Variants in ADGRB3 observed in about 807,000 individuals in gnomAD.
ADGRB3 encodes adhesion G protein-coupled receptor B3, also known as brain-specific angiogenesis inhibitor 3.
A neutral mutation model predicts 193.4 loss-of-function variants in ADGRB3; 37 were observed. The ratio of observed to expected loss-of-function variants is 0.19; its 90% CI spans 0.15 to 0.25. The LOEUF (loss-of-function observed/expected upper bound fraction) is 0.25, where lower values mean the gene tolerates loss of function less well. Among genes scored for constraint, ADGRB3 ranks in the 10% least tolerant of loss-of-function variants. The pLI is 1.00. For missense variants in ADGRB3, 1,637 were observed against 1,852.9 expected, an observed-to-expected ratio of 0.88 and a Z score of 2.14; for synonymous variants, 690 against 644.2, an observed-to-expected ratio of 1.07 and a Z score of -1.08.
Position 69,018,410 on chromosome 6 carries a change from A to G in ADGRB3, c.2018A>G (p.Glu673Gly). 6.2e-7 allele frequency: 1 copy of G among 1,604,330 alleles called. No homozygotes were observed. The highest frequency in any genetic ancestry group is 1.1e-5 in the South Asian group (1 of 90,378). ...DAQQIYPGSIELMQVIEDFIH... is the reference protein window; with the variant it reads ...DAQQIYPGSIGLMQVIEDFIH... ...TTCTAGATTTATCCAGGGTCAATAG[A>G]GTTAATGCAGGTGATTGAAGATTTT... is the stretch of plus-strand genomic sequence containing the variant. Residue 673 changes from glutamate to glycine, a missense_variant, in exon 13 of 32, where the codon GAG (glutamate) becomes GGG (glycine). This residue lies in a region of ADGRB3 where 641 missense variants were observed against 673.9 expected (regional missense o/e 0.95). Transcript: ENST00000370598.
At chr6:68,720,318 A>G (rs1765554804) in intron 3 of ADGRB3, among the ~76,000 whole-genome samples, 3 of 151,774 alleles carry the variant, frequency 2.0e-5, no homozygotes, top group Admixed American at 2.0e-4. Flanking sequence ...TATGCCTGGT[A>G]TAAATCCATG....
intron 3 of ADGRB3, among the ~76,000 whole-genome samples, chr6:68,770,007 GA>G (rs1766585121): frequency 6.6e-6 from 1 of 152,004 alleles, no homozygotes; most frequent in African/African-American, 2.4e-5. Flanking sequence ...CCAATATTTT[GA>G]ATTACTCTGG....
chr6:69,254,032 A>C (rs1349310152), intron 20 of ADGRB3, among the ~76,000 whole-genome samples: 1 of 152,138 alleles, frequency 6.6e-6, no homozygotes, highest in African/African-American at 2.4e-5. Flanking sequence ...TTTTACATGG[A>C]AGCAAAATAT....
At chr6:69,346,259 A>T (rs1294665180) in intron 26 of ADGRB3, among the ~76,000 whole-genome samples, 1 of 152,222 alleles carries the variant, frequency 6.6e-6, no homozygotes, top group Non-Finnish European at 1.5e-5. Flanking sequence ...CATGGAACCA[A>T]AAAAGAGCCT....
At chr6:69,340,531 C>T (rs1768952221) in intron 26 of ADGRB3, among the ~76,000 whole-genome samples, 1 of 152,102 alleles carries the variant, frequency 6.6e-6, no homozygotes, top group African/African-American at 2.4e-5. Context: ...AGTATAAACC[C>T]TATAGTTTTG....
At chr6:68,858,630 T>G (rs570886567) in intron 3 of ADGRB3, among the ~76,000 whole-genome samples, 5 of 150,658 alleles carry the variant, frequency 3.3e-5, no homozygotes, top group African/African-American at 1.2e-4. Flanking sequence ...AAATACAATT[T>G]TACAGTATTC....
At chr6:68,900,359 A>C (rs1036950710) in intron 3 of ADGRB3, among the ~76,000 whole-genome samples, 1 of 152,178 alleles carries the variant, frequency 6.6e-6, no homozygotes, top group African/African-American at 2.4e-5. Flanking sequence ...TTCAAAGGCT[A>C]TAAGTAAATA....
intron 3 of ADGRB3, among the ~76,000 whole-genome samples, chr6:68,746,860 C>T (rs908986060): frequency 7.2e-5 from 11 of 152,006 alleles, no homozygotes; most frequent in Non-Finnish European, 1.3e-4. Flanking sequence ...TTCTTAGTCC[C>T]ATAGTCCATT....
At chr6:68,722,212 A>T (rs1001107311) in intron 3 of ADGRB3, among the ~76,000 whole-genome samples, 3 of 151,700 alleles carry the variant, frequency 2.0e-5, no homozygotes, top group African/African-American at 4.8e-5. Context: ...TTCTGTTCCT[A>T]TGTTAGTTTG....
At chr6:68,701,788 A>G (rs1449490028) in intron 3 of ADGRB3, among the ~76,000 whole-genome samples, 1 of 152,200 alleles carries the variant, frequency 6.6e-6, no homozygotes, top group Non-Finnish European at 1.5e-5. Context: ...TCTGCCTCAA[A>G]GAAGAAACTC....
chr6:69,052,523 A>G (rs1771428672), intron 15 of ADGRB3, among the ~76,000 whole-genome samples: 1 of 152,244 alleles, frequency 6.6e-6, no homozygotes, highest in African/African-American at 2.4e-5. Context: ...TTAGGTTTCC[A>G]GAAATGGTAT....
At chr6:69,129,319 A>T (rs544540393) in intron 17 of ADGRB3, among the ~76,000 whole-genome samples, 1 of 152,294 alleles carries the variant, frequency 6.6e-6, no homozygotes, top group South Asian at 2.1e-4. Flanking sequence ...GGAGCTTTTT[A>T]AAATTGCAGA....
chr6:68,964,350 A>G (rs753397392), intron 8 of ADGRB3, among the ~76,000 whole-genome samples: 2 of 152,126 alleles, frequency 1.3e-5, no homozygotes, highest in Non-Finnish European at 2.9e-5. Flanking sequence ...GCTGTGCCCA[A>G]ATAGTGGTTC....
chr6:69,244,884 G>A (rs1264053186), intron 20 of ADGRB3, among the ~76,000 whole-genome samples: 1 of 152,040 alleles, frequency 6.6e-6, no homozygotes, highest in Admixed American at 6.6e-5. Flanking sequence ...CACTTAAACA[G>A]TAGCTGTAAT....
chr6:68,902,397 T>G (rs1766420716), intron 3 of ADGRB3, among the ~76,000 whole-genome samples: 1 of 152,264 alleles, frequency 6.6e-6, no homozygotes. Context: ...TTTTCATTTA[T>G]CTTTCATTAC....
At chr6:68,983,624 A>G (rs1451176211) in intron 10 of ADGRB3, among the ~76,000 whole-genome samples, 1 of 151,912 alleles carries the variant, frequency 6.6e-6, no homozygotes, top group Non-Finnish European at 1.5e-5. Context: ...TTAATTCATT[A>G]TACAAATAAT....
chr6:68,666,486 T>C (rs1343881413), intron 3 of ADGRB3, among the ~76,000 whole-genome samples: 1 of 151,840 alleles, frequency 6.6e-6, no homozygotes, highest in African/African-American at 2.4e-5. Context: ...CCTGTAATTG[T>C]CCTAGTCCCC....
chr6:69,099,059 G>A (rs540036157), intron 17 of ADGRB3, among the ~76,000 whole-genome samples: 1 of 152,308 alleles, frequency 6.6e-6, no homozygotes, highest in African/African-American at 2.4e-5. Context: ...GGTTCATACT[G>A]AGGGTGTTCA....
chr6:69,277,056 C>T (rs1767318361), intron 20 of ADGRB3, among the ~76,000 whole-genome samples: 2 of 147,162 alleles, frequency 1.4e-5, no homozygotes, highest in African/African-American at 2.5e-5. Flanking sequence ...AGTGCAGTGG[C>T]GTGATCTCAG....
Sources: allele counts gnomAD v4.1 joint callset (sites outside exome capture counted in the v4.1 genomes callset), GRCh38; gene constraint gnomAD v4.1.1; regional missense constraint gnomAD v4.1.1; transcripts MANE v1.5; gene names NCBI Gene and HGNC (gene_info 2026-07-23, HGNC 2026-07-21).